ANTXRL: variants seen among roughly 807,000 people sequenced by gnomAD.
ANTXRL encodes the protein anthrax toxin receptor-like.
Under a neutral mutation model 75.4 loss-of-function variants are expected in ANTXRL, and 63 were observed. That is an observed-to-expected ratio of 0.84 (90% CI 0.68 to 1.03). ANTXRL has a LOEUF of 1.03. Ranked by LOEUF, ANTXRL falls within the 50% of genes least tolerant of loss-of-function variation. ANTXRL has a pLI of 0.00. For missense variants in ANTXRL, 797 were observed against 789.4 expected (o/e 1.01, Z -0.12); for synonymous variants, 335 against 291.3 (o/e 1.15, Z -1.53).
intron 14 of ANTXRL, among the ~76,000 whole-genome samples, chr10:46,310,895 G>T (rs1415064422): frequency 1.3e-5 from 2 of 152,118 alleles, no homozygotes; most frequent in African/African-American, 2.4e-5. Flanking sequence ...GCTCCATTTG[G>T]CCTCTCTGGA....
intron 9 of ANTXRL, among the ~76,000 whole-genome samples, chr10:46,298,347 A>C (rs1478863255): frequency 6.7e-6 from 1 of 150,138 alleles, no homozygotes; most frequent in African/African-American, 2.5e-5. Flanking sequence ...TGCTGTGGAA[A>C]TGTGTGTGAG....
At position 46,309,185 on chromosome 10, in the gene ANTXRL, C is replaced by T. The variant is rs200917273; in HGVS notation, c.1117C>T (p.Arg373Trp). 631 of 1,535,646 alleles carry T rather than the reference C, an allele frequency of 4.1e-4. 4 individuals are homozygous for T. The highest frequency in any genetic ancestry group is 1.5e-3 in the Middle Eastern group (9 of 5,998). ...LVPLLLCCVW[R>W]LCRKQTVKEP... Reference sequence around the variant, plus strand: ...GCCACTGCTGCTGTGTTGTGTCTGGCGGCTGTGCCGCAAGCAGGCAAGTGC... The same window carrying T: ...GCCACTGCTGCTGTGTTGTGTCTGGTGGCTGTGCCGCAAGCAGGCAAGTGC... The change falls in exon 13 of 17, where the codon CGG (arginine) becomes TGG (tryptophan). Residue 373 changes from arginine to tryptophan, a missense_variant. Around this residue, in one of 3 missense-constraint regions of ANTXRL, gnomAD observed 479 missense variants for 422.0 expected, o/e 1.14. Coordinates refer to ENST00000620264, the MANE Select transcript of ANTXRL (RefSeq NM_001278688.3).
intron 16 of ANTXRL, among the ~76,000 whole-genome samples, chr10:46,318,270 C>T (rs533308919): frequency 1.3e-5 from 2 of 152,098 alleles, no homozygotes; most frequent in African/African-American, 4.8e-5. Flanking sequence ...ATTCCTTTCT[C>T]TTTACAATAG....
Position 46,329,745 on chromosome 10 carries a change from G to A in ANTXRL, c.1557G>A (p.Glu519=), listed in dbSNP as rs1554967175. 6.5e-7 allele frequency: 1 copy of A among 1,534,986 alleles called. No individual in the cohort carries two copies. Among genetic ancestry groups the A allele is most frequent in the South Asian group, 1.2e-5 (1 of 84,018 alleles). The change falls in exon 17 of 17, where the codon GAG becomes GAA. Residue 519 remains glutamate, a synonymous_variant. Transcript: ENST00000620264. ...GGATGTGCCTGAGACACAGCCGGGA[G>A]TGCCTCGCCCTCAAACAGGCTCGCT... The part of the protein sequence containing the change: ...SPRMCLRHSR[E]CLALKQARCS...
chr10:46,297,215 C>A, intron 5 of ANTXRL, 37 bp from the exon 6 acceptor site: 1 of 1,513,718 alleles, frequency 6.6e-7, no homozygotes, highest in South Asian at 1.2e-5. Flanking sequence ...ACTCCTGGTG[C>A]CTTTGCTGAG....
At chr10:46,298,468 G>T (rs1837522704) in intron 9 of ANTXRL, among the ~76,000 whole-genome samples, 1 of 151,592 alleles carries the variant, frequency 6.6e-6, no homozygotes, top group Admixed American at 6.6e-5. Flanking sequence ...GAGCTGAGGT[G>T]CTGTGTAATA....
chr10:46,293,943 G>C, intron 3 of ANTXRL, 43 bp downstream of exon 3: 1 of 1,521,064 alleles, frequency 6.6e-7, no homozygotes, highest in Non-Finnish European at 8.8e-7. Context: ...TGATGAGCTT[G>C]GCCAGAGGGA....
In ANTXRL at chr10:46,312,078, A is replaced by G. The variant is rs1443925746; in HGVS notation, c.1329+413A>G. On this transcript the variant is annotated intron_variant, in intron 15 of 16. Transcript: ENST00000620264. ...CACAAAAGGTCATGCAGATCAGAAA[A>G]AAAAATAGAAATGACCAGTCCTGAC... 3.4e-5 allele frequency among the ~76,000 whole-genome samples: 5 copies of G among 146,662 alleles called. 1 individual carries two copies. The highest frequency in any genetic ancestry group is 7.6e-5 in the Non-Finnish European group (5 of 65,600).
chr10:46,293,346 G>A lies in ANTXRL; in HGVS notation c.321-483G>A, dbSNP rs546771748. On this transcript the variant is annotated intron_variant, in intron 2 of 16. Coordinates refer to ENST00000620264, the MANE Select transcript of ANTXRL (RefSeq NM_001278688.3). ...TGTGTGTGAGTGTGTGCGTGTGTGCGTGCATGTGTGTGCATGTGAGTGTGC... is the reference window on the plus strand; with the variant it reads ...TGTGTGTGAGTGTGTGCGTGTGTGCATGCATGTGTGTGCATGTGAGTGTGC... 3.1e-3 allele frequency among the ~76,000 whole-genome samples: 456 copies of A among 148,882 alleles called. 3 individuals carry two copies. The highest frequency in any genetic ancestry group is 0.011 in the African/African-American group (428 of 39,856).
At chr10:46,302,107 A>G (rs1837784695) in intron 9 of ANTXRL, among the ~76,000 whole-genome samples, 1 of 152,154 alleles carries the variant, frequency 6.6e-6, no homozygotes, top group South Asian at 2.1e-4. Context: ...CTGGAATCAC[A>G]GCTAAAACAG....
At chr10:46,302,056 G>C (rs1392735727) in intron 9 of ANTXRL, among the ~76,000 whole-genome samples, 3 of 152,186 alleles carry the variant, frequency 2.0e-5, no homozygotes, top group African/African-American at 7.2e-5. Context: ...GGTCCTTGCT[G>C]GTTCAGGAAG....
intron 12 of ANTXRL, 139 bp from the exon 13 acceptor site, chr10:46,308,974 C>A: frequency 8.3e-7 from 1 of 1,202,526 alleles, no homozygotes; most frequent in Non-Finnish European, 1.1e-6. Flanking sequence ...TGGGGCCCAG[C>A]CCTGGCCGCT....
intron 9 of ANTXRL, among the ~76,000 whole-genome samples, chr10:46,298,439 TGGG>T (rs1265171446): frequency 1.3e-5 from 2 of 151,118 alleles, no homozygotes; most frequent in African/African-American, 2.4e-5. Context: ...TGTTGTATTG[TGGG>T]GTGTATGTTG....
chr10:46,319,216 C>G (rs1838871366), intron 16 of ANTXRL, among the ~76,000 whole-genome samples: 1 of 152,148 alleles, frequency 6.6e-6, no homozygotes, highest in Admixed American at 6.5e-5. Context: ...AGTGGCCTCT[C>G]AATTTGGGGA....
intron 14 of ANTXRL, among the ~76,000 whole-genome samples, chr10:46,311,260 C>A (rs530412671): frequency 6.6e-6 from 1 of 152,182 alleles, no homozygotes; most frequent in Admixed American, 6.5e-5. Context: ...CATTGCATAA[C>A]CCCCAGGGCA....
At position 46,323,581 on chromosome 10, in the gene ANTXRL, C is replaced by T. The variant is rs143047199; in HGVS notation, c.1411-6018C>T. Among the ~76,000 whole-genome samples, 17 of 152,220 alleles carry T rather than the reference C, an allele frequency of 1.1e-4. No individual in the cohort carries two copies. In the East Asian group the frequency reaches 2.5e-3, roughly 22 times the overall value. On this transcript the variant is annotated intron_variant, in intron 16 of 16. Transcript: ENST00000620264. ...TTGAGTTCATTCCCTAAAACAAGCT[C>T]GGATGAAGCTTCCAACTTGGCTGCT...
intron 16 of ANTXRL, among the ~76,000 whole-genome samples, chr10:46,321,298 A>G (rs73292933): frequency 0.015 from 2,326 of 152,316 alleles, 64 homozygotes; most frequent in African/African-American, 0.053. Flanking sequence ...ATGAGGGGAA[A>G]AGACAAAAAC....
intron 1 of ANTXRL, among the ~76,000 whole-genome samples, chr10:46,288,772 C>T (rs1318572741): frequency 6.6e-6 from 1 of 152,180 alleles, no homozygotes; most frequent in African/African-American, 2.4e-5. Context: ...AAGGCAGAGC[C>T]ACAGGCTAGA....
At chr10:46,316,243 A>C (rs1197848366) in intron 16 of ANTXRL, among the ~76,000 whole-genome samples, 1 of 152,048 alleles carries the variant, frequency 6.6e-6, no homozygotes, top group African/African-American at 2.4e-5. Flanking sequence ...CCCTTTAGAA[A>C]CTGGATCTCA....
Sources: gnomAD v4.1 joint callset for allele counts (sites outside exome capture counted in the v4.1 genomes callset) on GRCh38, gnomAD v4.1.1 for gene constraint, gnomAD v4.1.1 regional missense constraint, MANE v1.5 for transcripts, NCBI Gene and HGNC (gene_info 2026-07-23, HGNC 2026-07-21) for gene names.